Variants in COBLL1 observed in about 807,000 individuals in gnomAD.
The protein encoded by COBLL1 is cordon-bleu protein-like 1.
A neutral mutation model predicts 94.8 loss-of-function variants in COBLL1; 50 were observed. That is an observed-to-expected ratio of 0.53 (90% CI 0.42 to 0.67). COBLL1 has a LOEUF of 0.67. Among genes scored for constraint, COBLL1 ranks in the 30% least tolerant of loss-of-function variants. The pLI is 0.00. For synonymous variants in COBLL1, 448 were observed against 473.8 expected, an observed-to-expected ratio of 0.95 and a Z score of 0.71; for missense variants, 1,362 against 1,348.7, an observed-to-expected ratio of 1.01 and a Z score of -0.15.
At chr2:164,734,963 C>T (rs1035059647) in intron 3 of COBLL1, among the ~76,000 whole-genome samples, 14 of 152,150 alleles carry the variant, frequency 9.2e-5, no homozygotes, top group African/African-American at 1.2e-4. Flanking sequence ...ACCCCAAGAA[C>T]GTAAAACTCT....
intron 2 of COBLL1, among the ~76,000 whole-genome samples, chr2:164,768,959 T>C (rs530429208): frequency 6.6e-6 from 1 of 152,294 alleles, no homozygotes; most frequent in Admixed American, 6.5e-5. Context: ...CAATTCTTAG[T>C]GATTAATTCA....
chr2:164,665,012 G>A (rs1305633699), intron 2 of COBLL1, among the ~76,000 whole-genome samples: 1 of 152,064 alleles, frequency 6.6e-6, no homozygotes, highest in East Asian at 1.9e-4. Flanking sequence ...AGGTTAAATG[G>A]TCATATCAAG....
intron 2 of COBLL1, among the ~76,000 whole-genome samples, chr2:164,814,482 T>C (rs553603146): frequency 1.3e-5 from 2 of 152,340 alleles, no homozygotes; most frequent in South Asian, 4.1e-4. Flanking sequence ...GTTTGACACA[T>C]AGATGTTTAA....
chr2:164,672,456 T>C (rs1691256068), intron 1 of COBLL1, among the ~76,000 whole-genome samples: 1 of 151,640 alleles, frequency 6.6e-6, no homozygotes, highest in Non-Finnish European at 1.5e-5. Context: ...CCCAGCACTT[T>C]GGGAGGCCGA....
intron 9 of COBLL1, among the ~76,000 whole-genome samples, chr2:164,702,835 T>A (rs959903069): frequency 6.6e-6 from 1 of 151,832 alleles, no homozygotes; most frequent in East Asian, 1.9e-4. Flanking sequence ...AAGTGACCCC[T>A]CAGTATATAT....
At chr2:164,821,544 T>C (rs1241981653) in intron 2 of COBLL1, among the ~76,000 whole-genome samples, 2 of 152,142 alleles carry the variant, frequency 1.3e-5, no homozygotes, top group African/African-American at 4.8e-5. Context: ...GCCATAGATA[T>C]GGGAGGAACA....
chr2:164,737,130 C>T (rs1227268463), intron 3 of COBLL1, among the ~76,000 whole-genome samples: 1 of 152,056 alleles, frequency 6.6e-6, no homozygotes, highest in African/African-American at 2.4e-5. Flanking sequence ...CCACTGCACT[C>T]CAGCCTGGGC....
chr2:164,801,471 C>CAAAAAAAAAAA (rs1683798393), intron 2 of COBLL1, among the ~76,000 whole-genome samples: 1 of 91,064 alleles, frequency 1.1e-5, no homozygotes, highest in African/African-American at 5.0e-5. Flanking sequence ...AAAAAAAAAG[C>CAAAAAAAAAAA]TTAGCTAAGT....
intron 2 of COBLL1, among the ~76,000 whole-genome samples, chr2:164,812,783 T>C (rs1225203275): frequency 6.6e-6 from 1 of 152,134 alleles, no homozygotes; most frequent in Non-Finnish European, 1.5e-5. Context: ...ATTATAACCC[T>C]GATTTTAGTT....
intron 1 of COBLL1, among the ~76,000 whole-genome samples, chr2:164,669,141 T>G (rs1389312656): frequency 6.6e-6 from 1 of 152,228 alleles, no homozygotes; most frequent in African/African-American, 2.4e-5. Context: ...TTTTCCTCAT[T>G]ATCCGAAAGG....
chr2:164,748,246 A>G (rs1362508658), intron 2 of COBLL1, among the ~76,000 whole-genome samples: 1 of 152,138 alleles, frequency 6.6e-6, no homozygotes, highest in Non-Finnish European at 1.5e-5. Flanking sequence ...GGAAGCCTGG[A>G]TTTGGCCTGA....
chr2:164,804,596 T>C (rs370722892), intron 2 of COBLL1, among the ~76,000 whole-genome samples: 1 of 152,212 alleles, frequency 6.6e-6, no homozygotes, highest in Non-Finnish European at 1.5e-5. Context: ...GCTGACAAAA[T>C]GTTGATACAA....
intron 7 of COBLL1, among the ~76,000 whole-genome samples, chr2:164,712,594 A>C (rs1434866555): frequency 6.6e-6 from 1 of 152,106 alleles, no homozygotes; most frequent in Non-Finnish European, 1.5e-5. Flanking sequence ...GTCAAGTTTT[A>C]ACTCTTAACT....
chr2:164,719,414 A>C (rs184536428), intron 7 of COBLL1, among the ~76,000 whole-genome samples: 4 of 152,310 alleles, frequency 2.6e-5, no homozygotes, highest in Middle Eastern at 3.4e-3. Flanking sequence ...GCTAAAAACA[A>C]CACAAATGTA....
intron 2 of COBLL1, among the ~76,000 whole-genome samples, chr2:164,747,584 A>G (rs1686929697): frequency 6.6e-6 from 1 of 152,116 alleles, no homozygotes; most frequent in South Asian, 2.1e-4. Flanking sequence ...CCCAGGTTCA[A>G]GCGATTCTTG....
At chr2:164,670,381 A>G (rs1181507679) in intron 1 of COBLL1, among the ~76,000 whole-genome samples, 1 of 152,216 alleles carries the variant, frequency 6.6e-6, no homozygotes, top group Non-Finnish European at 1.5e-5. Flanking sequence ...TTATATGTAT[A>G]AGAACATATT....
chr2:164,658,253 C>G (rs182781185), intron 2 of COBLL1, among the ~76,000 whole-genome samples: 4 of 152,254 alleles, frequency 2.6e-5, no homozygotes, highest in East Asian at 3.9e-4. Context: ...CTCAGTCCCC[C>G]CTCTCAACAG....
intron 2 of COBLL1, among the ~76,000 whole-genome samples, chr2:164,747,802 T>C (rs1686943186): frequency 6.6e-6 from 1 of 152,140 alleles, no homozygotes; most frequent in Non-Finnish European, 1.5e-5. Flanking sequence ...AGGAAAAACA[T>C]CCTAATGTTC....
intron 2 of COBLL1, among the ~76,000 whole-genome samples, chr2:164,792,381 G>A (rs568109236): frequency 5.9e-5 from 9 of 152,048 alleles, no homozygotes; most frequent in Admixed American, 2.6e-4. Flanking sequence ...CACCTGCCTC[G>A]GCCTTCCAAA....
Sources: allele counts gnomAD v4.1 joint callset (sites outside exome capture counted in the v4.1 genomes callset), GRCh38; gene constraint gnomAD v4.1.1; transcripts MANE v1.5; gene names NCBI Gene and HGNC (gene_info 2026-07-23, HGNC 2026-07-21).